SCHIP1: variants seen among roughly 807,000 people sequenced by gnomAD.
The protein encoded by SCHIP1 is schwannomin interacting protein 1, also known as schwannomin-interacting protein 1.
A neutral mutation model predicts 29.7 loss-of-function variants in SCHIP1; 8 were observed. That is an observed-to-expected ratio of 0.27 (90% CI 0.16 to 0.49). The LOEUF (loss-of-function observed/expected upper bound fraction) is 0.49. SCHIP1 is among the 20% of genes least tolerant of loss of function. The probability of loss-of-function intolerance (pLI) is 0.99; values close to 1 mark genes in which losing one functional copy is unlikely to be tolerated. For synonymous variants in SCHIP1, 76 were observed against 94.9 expected, an observed-to-expected ratio of 0.80 and a Z score of 1.16; for missense variants, 193 against 294.6, an observed-to-expected ratio of 0.66 and a Z score of 2.52.
At chr3:159,599,511 C>T in the SCHIP1 span, among the ~76,000 whole-genome samples, 15 of 152,312 alleles carry the variant, frequency 9.8e-5, no homozygotes, top group African/African-American at 3.6e-4. Context: ...GTTTGGTTTT[C>T]CATTCCTGAG....
intron 2 of SCHIP1, among the ~76,000 whole-genome samples, chr3:159,885,328 A>G (rs995579285): frequency 6.6e-6 from 1 of 152,234 alleles, no homozygotes; most frequent in Non-Finnish European, 1.5e-5. Context: ...AGATGCTAGG[A>G]AAACTACTTC....
the SCHIP1 span, among the ~76,000 whole-genome samples, chr3:159,706,945 C>T: frequency 3.3e-5 from 5 of 152,162 alleles, no homozygotes; most frequent in Non-Finnish European, 5.9e-5. Context: ...GTGTCAGACA[C>T]TCGTTATGTG....
the SCHIP1 span, chr3:159,765,168 C>T: frequency 2.6e-6 from 4 of 1,535,534 alleles, no homozygotes; most frequent in East Asian, 2.5e-5. Flanking sequence ...TGCCCACGCG[C>T]GCACACACGC....
chr3:159,630,658 G>A, the SCHIP1 span, among the ~76,000 whole-genome samples: 1 of 120,770 alleles, frequency 8.3e-6, no homozygotes, highest in Non-Finnish European at 1.5e-5. Context: ...TCGCTCATAA[G>A]TGGAGCTAAG....
At chr3:159,555,581 TTGTG>T in the SCHIP1 span, among the ~76,000 whole-genome samples, 110 of 152,006 alleles carry the variant, frequency 7.2e-4, no homozygotes, top group South Asian at 1.5e-3. Flanking sequence ...TCTCTCTCTC[TTGTG>T]TGTGTGTGTT....
At chr3:159,770,382 C>G in the SCHIP1 span, among the ~76,000 whole-genome samples, 1 of 152,162 alleles carries the variant, frequency 6.6e-6, no homozygotes, top group South Asian at 2.1e-4. Flanking sequence ...GCCTCAGCCT[C>G]CTGAGTAGCT....
the SCHIP1 span, among the ~76,000 whole-genome samples, chr3:159,445,900 T>G: frequency 6.8e-6 from 1 of 147,282 alleles, no homozygotes; most frequent in African/African-American, 2.5e-5. Context: ...GGGGGAAGGA[T>G]AGCATTAGGA....
the SCHIP1 span, among the ~76,000 whole-genome samples, chr3:159,725,034 G>A: frequency 6.6e-6 from 1 of 152,298 alleles, no homozygotes; most frequent in Non-Finnish European, 1.5e-5. Context: ...CATCAGGACA[G>A]TATAAGCTAC....
the SCHIP1 span, among the ~76,000 whole-genome samples, chr3:159,291,023 C>T: frequency 1.3e-5 from 2 of 152,034 alleles, no homozygotes; most frequent in Non-Finnish European, 2.9e-5. Flanking sequence ...GAAATTAGTG[C>T]ACCTAGTTTG....
rs1251393670 is a variant in SCHIP1 at position 159,842,997 on chromosome 3, CTTTCTTTTTTTTTT to C, written c.30+2787_30+2800del. Among the ~76,000 whole-genome samples the C allele has an allele frequency of 2.3e-3, 145 of 61,772 alleles. 6 individuals are homozygous for C. The highest frequency in any genetic ancestry group is 5.4e-3 in the South Asian group (7 of 1,290). The allele number at this position is 61,772 out of a possible 152,430, so 40.5% of individuals were successfully genotyped here. A position where few individuals can be genotyped will look rare whatever the true frequency, so the allele number is the denominator to read the frequency against. ...GCTCTCCAGTTCTATCCCAATATTT[CTTTCTTTTTTTTTT>C]TTTTTTTTTTTTTTTTTTGAGATGG... is the stretch of plus-strand genomic sequence containing the variant. On this transcript the variant is annotated intron_variant, in intron 1 of 6. Coordinates refer to ENST00000445224, the Ensembl canonical transcript of SCHIP1.
At chr3:159,337,398 G>A in the SCHIP1 span, among the ~76,000 whole-genome samples, 1 of 152,132 alleles carries the variant, frequency 6.6e-6, no homozygotes, top group African/African-American at 2.4e-5. Flanking sequence ...GAAAAGAGGA[G>A]GTCAAATTGT....
chr3:159,522,241 G>A, the SCHIP1 span, among the ~76,000 whole-genome samples: 2 of 152,184 alleles, frequency 1.3e-5, no homozygotes, highest in East Asian at 1.9e-4. Context: ...ACAAATGATA[G>A]AGTATAAACA....
chr3:159,321,450 A>G, the SCHIP1 span, among the ~76,000 whole-genome samples: 3 of 152,182 alleles, frequency 2.0e-5, no homozygotes, highest in South Asian at 6.2e-4. Context: ...GCTTCTTTTT[A>G]ATGAAGCAGA....
At chr3:159,854,421 G>A (rs1258673309) in intron 1 of SCHIP1, among the ~76,000 whole-genome samples, 2 of 152,094 alleles carry the variant, frequency 1.3e-5, no homozygotes, top group Non-Finnish European at 2.9e-5. Context: ...AGTATATACT[G>A]TACTTCCTAG....
the SCHIP1 span, among the ~76,000 whole-genome samples, chr3:159,545,715 T>C: frequency 6.8e-6 from 1 of 147,416 alleles, no homozygotes; most frequent in African/African-American, 2.5e-5. Flanking sequence ...TTTTGTACAA[T>C]ATATTATATA....
At chr3:159,722,830 C>T in the SCHIP1 span, among the ~76,000 whole-genome samples, 1 of 152,144 alleles carries the variant, frequency 6.6e-6, no homozygotes, top group South Asian at 2.1e-4. Context: ...GATTTGAACC[C>T]TCTGTTTCTG....
chr3:159,824,880 T>C, the SCHIP1 span, among the ~76,000 whole-genome samples: 5 of 152,254 alleles, frequency 3.3e-5, no homozygotes, highest in Admixed American at 6.5e-5. Flanking sequence ...AAAACAAATA[T>C]GCTCTTTTTT....
chr3:159,379,892 T>C, the SCHIP1 span, among the ~76,000 whole-genome samples: 1 of 152,178 alleles, frequency 6.6e-6, no homozygotes, highest in African/African-American at 2.4e-5. Context: ...CCATGTACTA[T>C]GCATGAAAGA....
At chr3:159,673,975 C>A in the SCHIP1 span, among the ~76,000 whole-genome samples, 1 of 152,184 alleles carries the variant, frequency 6.6e-6, no homozygotes, top group South Asian at 2.1e-4. Flanking sequence ...TACCCTGGTA[C>A]CCCCTGTTAT....
Sources: gnomAD v4.1 joint callset for allele counts (sites outside exome capture counted in the v4.1 genomes callset) on GRCh38, gnomAD v4.1.1 for gene constraint, MANE v1.5 for transcripts, NCBI Gene and HGNC (gene_info 2026-07-23, HGNC 2026-07-21) for gene names.